Variants in SLC14A2 observed in about 807,000 individuals in gnomAD.
SLC14A2 encodes the protein urea transporter 2.
SLC14A2 carries 91 observed loss-of-function variants against 104.6 expected under a neutral mutation model. That is an observed-to-expected ratio of 0.87 (90% CI 0.73 to 1.04). SLC14A2 has a LOEUF of 1.04. SLC14A2 is among the 50% of genes least tolerant of loss of function. The pLI is 0.00. For synonymous variants in SLC14A2, 476 were observed against 466.4 expected (o/e 1.02, Z -0.27); for missense variants, 1,189 against 1,156.0 (o/e 1.03, Z -0.41).
At chr18:45,203,103 G>A in the SLC14A2 span, among the ~76,000 whole-genome samples, 2 of 152,086 alleles carry the variant, frequency 1.3e-5, no homozygotes, top group African/African-American at 2.4e-5. Context: ...GAAAGAGAAC[G>A]GGATGCTAAT....
intron 1 of SLC14A2, among the ~76,000 whole-genome samples, chr18:45,383,609 C>G (rs967017176): frequency 6.6e-6 from 1 of 152,162 alleles, no homozygotes; most frequent in Non-Finnish European, 1.5e-5. Flanking sequence ...CCTCCCTTCC[C>G]TTCTCTACTT....
chr18:45,511,580 G>A (rs2144788422), intron 2 of SLC14A2, among the ~76,000 whole-genome samples: 2 of 152,290 alleles, frequency 1.3e-5, no homozygotes, highest in South Asian at 4.1e-4. Context: ...ATGTCTAGCT[G>A]TCTCTCCATT....
At chr18:45,260,217 C>G (rs998758362) in intron 1 of SLC14A2, among the ~76,000 whole-genome samples, 1 of 152,192 alleles carries the variant, frequency 6.6e-6, no homozygotes, top group African/African-American at 2.4e-5. Context: ...TGCAATGGAT[C>G]ATACTAGGGA....
chr18:45,357,079 G>C (rs2085561709), intron 1 of SLC14A2, among the ~76,000 whole-genome samples: 1 of 152,082 alleles, frequency 6.6e-6, no homozygotes, highest in Admixed American at 6.6e-5. Flanking sequence ...ACTTTTATTG[G>C]GGATGTTGGA....
chr18:45,222,807 G>C (rs1412825963), intron 1 of SLC14A2, among the ~76,000 whole-genome samples: 1 of 152,124 alleles, frequency 6.6e-6, no homozygotes, highest in Non-Finnish European at 1.5e-5. Context: ...GACTTCCCTA[G>C]AAAGTTGGTC....
intron 1 of SLC14A2, among the ~76,000 whole-genome samples, chr18:45,393,116 A>T (rs764491825): frequency 6.6e-6 from 1 of 152,248 alleles, no homozygotes; most frequent in Non-Finnish European, 1.5e-5. Flanking sequence ...AAAAGTCTCC[A>T]GTAGAGTTCT....
chr18:45,446,899 C>T (rs1027723686), intron 1 of SLC14A2, among the ~76,000 whole-genome samples: 3 of 152,128 alleles, frequency 2.0e-5, no homozygotes, highest in Non-Finnish European at 2.9e-5. Flanking sequence ...TTTCATGAGC[C>T]CTCGGCTTCC....
intron 2 of SLC14A2, among the ~76,000 whole-genome samples, chr18:45,546,124 T>C (rs1009023430): frequency 1.3e-5 from 2 of 152,246 alleles, no homozygotes; most frequent in African/African-American, 4.8e-5. Context: ...TTGCAGCTTA[T>C]GATGCCTGTG....
At chr18:45,357,237 ATTTTTT>A (rs56321113) in intron 1 of SLC14A2, among the ~76,000 whole-genome samples, 12 of 126,438 alleles carry the variant, frequency 9.5e-5, no homozygotes, top group Admixed American at 2.4e-4. Flanking sequence ...TTGGGACACA[ATTTTTT>A]TTTTTTTTTT....
chr18:45,335,969 G>T (rs964505795), intron 1 of SLC14A2, among the ~76,000 whole-genome samples: 3 of 152,160 alleles, frequency 2.0e-5, no homozygotes, highest in Admixed American at 2.0e-4. Context: ...AGGAGAAAAT[G>T]GCTTAATCTG....
In SLC14A2 at chr18:45,667,852, G is replaced by A; in HGVS notation, c.1737G>A (p.Gln579=). The part of the protein sequence containing the change: ...EGLKDKSPVF[Q]FFDWVLRGTS... ...TTTCAGACAAGTCCCCAGTGTTCCA[G>A]TTCTTTGACTGGGTCCTCCGAGGCA... The change falls in exon 14 of 20, where the codon CAG becomes CAA. Residue 579 remains glutamine (Q), a synonymous_variant. Transcript: ENST00000255226. 3 of 1,614,122 alleles carry A rather than the reference G, an allele frequency of 1.9e-6. No homozygotes were observed. Among genetic ancestry groups the A allele is most frequent in the Non-Finnish European group, 2.5e-6 (3 of 1,179,984 alleles).
chr18:45,628,012 AAAAAAAAAG>A (rs1348340302), intron 4 of SLC14A2, among the ~76,000 whole-genome samples: 1 of 151,320 alleles, frequency 6.6e-6, no homozygotes, highest in Non-Finnish European at 1.5e-5. Context: ...AAAAAAAAAA[AAAAAAAAAG>A]AAAAGAAAAA....
intron 18 of SLC14A2, among the ~76,000 whole-genome samples, chr18:45,674,675 C>A (rs561749327): frequency 2.0e-5 from 3 of 152,122 alleles, no homozygotes; most frequent in Admixed American, 2.0e-4. Flanking sequence ...ACACCCACCA[C>A]AAAGTAGGCA....
intron 1 of SLC14A2, among the ~76,000 whole-genome samples, chr18:45,453,932 T>C (rs1462184080): frequency 7.1e-6 from 1 of 140,016 alleles, no homozygotes; most frequent in East Asian, 2.2e-4. Context: ...TGATCTCGGC[T>C]CACTGCAACC....
the SLC14A2 span, among the ~76,000 whole-genome samples, chr18:45,188,643 C>A: frequency 6.6e-6 from 1 of 152,144 alleles, no homozygotes; most frequent in Admixed American, 6.5e-5. Flanking sequence ...CACCTTCTCC[C>A]AGATTTTCCT....
At chr18:45,389,332 A>G (rs888553355) in intron 1 of SLC14A2, among the ~76,000 whole-genome samples, 1 of 152,204 alleles carries the variant, frequency 6.6e-6, no homozygotes, top group Non-Finnish European at 1.5e-5. Flanking sequence ...GGACTACAGA[A>G]TCCATCTACA....
chr18:45,539,935 C>T (rs1435818655), intron 2 of SLC14A2, among the ~76,000 whole-genome samples: 1 of 151,492 alleles, frequency 6.6e-6, no homozygotes, highest in Non-Finnish European at 1.5e-5. Flanking sequence ...ATGTCTGTAT[C>T]TCATGTGTTT....
intron 1 of SLC14A2, among the ~76,000 whole-genome samples, chr18:45,447,776 G>A (rs926137998): frequency 6.6e-6 from 1 of 152,144 alleles, no homozygotes; most frequent in African/African-American, 2.4e-5. Flanking sequence ...TGCAAATGGA[G>A]CCTTTATACC....
Position 45,641,258 on chromosome 18 carries a change from C to T in SLC14A2, c.1041C>T (p.Ser347=), listed in dbSNP as rs752684310. ...AGACCATCTACACAGGCCTCTGGAG[C>T]TACAACTGCGTCCTCTCCTGCATCG... ...PFETIYTGLW[S]YNCVLSCIAI... The change falls in exon 8 of 20, where the codon AGC becomes AGT. Residue 347 remains serine (S), a synonymous_variant. Coordinates refer to ENST00000255226, the MANE Select transcript of SLC14A2 (RefSeq NM_007163.4). 6.2e-7 allele frequency: 1 copy of T among 1,614,070 alleles called. No individual in the cohort carries two copies. Among genetic ancestry groups the T allele is most frequent in the Non-Finnish European group, 8.5e-7 (1 of 1,180,024 alleles).
Sources: gnomAD v4.1 joint callset for allele counts (sites outside exome capture counted in the v4.1 genomes callset) on GRCh38, gnomAD v4.1.1 for gene constraint, MANE v1.5 for transcripts, NCBI Gene and HGNC (gene_info 2026-07-23, HGNC 2026-07-21) for gene names.